Variants in LETM2 observed in about 807,000 individuals in gnomAD.
LETM2 encodes the protein leucine zipper and EF-hand containing transmembrane protein 2, also known as LETM1 domain-containing protein LETM2, mitochondrial.
A neutral mutation model predicts 59.6 loss-of-function variants in LETM2; 58 were observed. The ratio of observed to expected loss-of-function variants is 0.97; its 90% CI spans 0.79 to 1.21. The LOEUF is 1.21. LETM2 is among the 50% of genes most tolerant of loss of function. The pLI, the probability that LETM2 is intolerant of heterozygous loss-of-function variation, is 0.00. For missense variants in LETM2, 572 were observed against 575.7 expected, an observed-to-expected ratio of 0.99 and a Z score of 0.07; for synonymous variants, 199 against 214.1, an observed-to-expected ratio of 0.93 and a Z score of 0.62.
rs1812387455 is a variant in LETM2 at position 38,392,666 on chromosome 8, G to A, written c.172G>A (p.Asp58Asn). The A allele has an allele frequency of 1.2e-6, 2 of 1,613,970 alleles. No individual in the cohort carries two copies. The highest frequency in any genetic ancestry group is 2.7e-5 in the African/African-American group (2 of 74,896). The change falls in exon 3 of 11, where the codon GAT becomes AAT. Residue 58 changes from aspartate to asparagine, a missense_variant. By Grantham distance (23) the Asp-to-Asn change is conservative. Coordinates refer to ENST00000379957, the MANE Select transcript of LETM2 (RefSeq NM_001286819.2). ...MKNYESKKYS[D>N]PSQPGNTVLH... The stretch of plus-strand genomic sequence containing the variant: ...GAACTATGAGAGCAAGAAGTACTCG[G>A]ATCCTAGTCAGCCAGGCAATACAGT...
At chr8:38,390,135 C>T (rs1175074032) in intron 2 of LETM2, among the ~76,000 whole-genome samples, 3 of 151,574 alleles carry the variant, frequency 2.0e-5, no homozygotes, top group Admixed American at 6.6e-5. Context: ...CCTGGGAGGT[C>T]GAGGCTGCAG....
upstream of LETM2, chr8:38,383,425 TTC>T (rs1811656256): frequency 6.6e-6 from 1 of 152,098 alleles, no homozygotes; most frequent in Non-Finnish European, 1.5e-5. Flanking sequence ...CGATACTCTG[TTC>T]TGAGAATAAA....
In LETM2 at chr8:38,397,013, C is replaced by T. The variant is rs2150428233; in HGVS notation, c.645+2772C>T. 4.6e-6 allele frequency: 2 copies of T among 437,416 alleles called. 1 individual carries two copies. The highest frequency in any genetic ancestry group is 3.3e-5 in the South Asian group (2 of 61,494). 27.1% of individuals were successfully genotyped at this position (437,416 alleles called of 1,614,324 possible). A position where few individuals can be genotyped will look rare whatever the true frequency, so the allele number is the denominator to read the frequency against. ...GTCAGCCCAACAGACAGTTCAGCAG[C>T]CCCTGAGAAGAGGGAGCCTTCACTG... is the stretch of plus-strand genomic sequence containing the variant. On this transcript the variant is annotated intron_variant, in intron 4 of 10. Coordinates refer to ENST00000379957, the MANE Select transcript of LETM2 (RefSeq NM_001286819.2).
At chr8:38,382,783 A>C (rs2150402122), upstream of LETM2, 1 of 152,274 alleles carries the variant, frequency 6.6e-6, no homozygotes, top group Non-Finnish European at 1.5e-5. This position sits in a 1 kb window ranked among gnomAD's most constrained non-coding sequence, Gnocchi z 4.2. Context: ...GCTGTCAGGG[A>C]AGGGCTCCGG....
At chr8:38,387,921 TA>T in intron 1 of LETM2, 28 bp from the exon 2 acceptor site, 1 of 882,160 alleles carries the variant, frequency 1.1e-6, no homozygotes. Context: ...TTTAAACTAC[TA>T]AATTGTTTAC....
chr8:38,405,120 G>C (rs1813612282), intron 8 of LETM2, among the ~76,000 whole-genome samples: 1 of 152,190 alleles, frequency 6.6e-6, no homozygotes, highest in Non-Finnish European at 1.5e-5. Context: ...TAGCAGACTG[G>C]TGTGTGTGGG....
At chr8:38,400,800 GTTAAA>G in intron 5 of LETM2, 48 bp from the exon 6 acceptor site, 1 of 1,507,276 alleles carries the variant, frequency 6.6e-7, no homozygotes, top group Non-Finnish European at 9.1e-7. Context: ...TATTGGGAAA[GTTAAA>G]TTAAGTAGAA....
chr8:38,404,647 A>G, intron 8 of LETM2, 141 bp downstream of exon 8: 1 of 611,910 alleles, frequency 1.6e-6, no homozygotes, highest in Non-Finnish European at 2.9e-6. Context: ...TGTGTTTTAA[A>G]AATTTCTAAA....
chr8:38,387,600 T>G (rs1811873881), intron 1 of LETM2, among the ~76,000 whole-genome samples: 1 of 152,152 alleles, frequency 6.6e-6, no homozygotes, highest in Admixed American at 6.6e-5. Flanking sequence ...CTACCTATAT[T>G]TTAAGGCTAC....
intron 7 of LETM2, among the ~76,000 whole-genome samples, chr8:38,403,649 G>A (rs1586021331): frequency 6.6e-6 from 1 of 152,204 alleles, no homozygotes; most frequent in Non-Finnish European, 1.5e-5. Context: ...ATGCACAGAT[G>A]ATCTTAGGTT....
rs533234365 is a variant in LETM2 at position 38,401,595 on chromosome 8, A to T, written c.984+542A>T. On this transcript the variant is annotated intron_variant, in intron 6 of 10. Transcript: ENST00000379957. ...AGAAGGCCATCATAAGCAGTTAGTAATTTGGATGTCTTAGCTGGGACTCAT... is the reference window on the plus strand; with the variant it reads ...AGAAGGCCATCATAAGCAGTTAGTATTTTGGATGTCTTAGCTGGGACTCAT... 5.0e-5 allele frequency: 8 copies of T among 159,684 alleles called. No individual in the cohort carries two copies. In the East Asian group the frequency reaches 1.5e-3, roughly 29 times the overall value. 9.9% of individuals were successfully genotyped at this position (159,684 alleles called of 1,614,324 possible).
Position 38,392,584 on chromosome 8 carries a change from C to A in LETM2, c.90C>A (p.Ser30=). Residue 30 remains serine (S), a synonymous_variant, in exon 3 of 11, where the codon TCC becomes TCA. Coordinates refer to ENST00000379957, the MANE Select transcript of LETM2 (RefSeq NM_001286819.2). ...TCCATCCTACCTGCTCTTCTTATTC[C>A]CCATCATGTGCATTTCTTCACTTGC... ...HFVHPTCSSY[S]PSCAFLHLPD... is the part of the protein sequence containing the mutation. The A allele has an allele frequency of 2.5e-6, 4 of 1,612,828 alleles. 1 individual carries two copies. In the South Asian group the frequency reaches 3.3e-5, roughly 13 times the overall value.
chr8:38,395,975 G>A (rs1812651513), intron 4 of LETM2, among the ~76,000 whole-genome samples: 1 of 152,070 alleles, frequency 6.6e-6, no homozygotes. Flanking sequence ...CTTTCACAGA[G>A]CAAATGCTTT....
In LETM2 at chr8:38,396,722, T is replaced by C. The variant is rs186870758; in HGVS notation, c.645+2481T>C. Among the ~76,000 whole-genome samples the C allele has an allele frequency of 1.3e-3, 196 of 151,958 alleles. 1 individual carries two copies. The highest frequency in any genetic ancestry group is 4.3e-3 in the African/African-American group (179 of 41,464). On this transcript the variant is annotated intron_variant, in intron 4 of 10. Transcript: ENST00000379957. ...GAGTTCAAGACCAGCCAGAGCAATA[T>C]AGTGAGACCCCTGTCTCTAAAAAAC... is the stretch of plus-strand genomic sequence containing the variant.
At chr8:38,391,247 G>A (rs1221574123) in intron 2 of LETM2, among the ~76,000 whole-genome samples, 1 of 138,128 alleles carries the variant, frequency 7.2e-6, no homozygotes, top group Non-Finnish European at 1.6e-5. Flanking sequence ...ACATCTCTTT[G>A]CCAGTAACTT....
chr8:38,385,209 G>A (rs1208204978), upstream of LETM2, among the ~76,000 whole-genome samples: 1 of 152,134 alleles, frequency 6.6e-6, no homozygotes, highest in Non-Finnish European at 1.5e-5. Context: ...GTTATTAGCT[G>A]AAAAATCCTT....
At chr8:38,408,029 C>G (rs1813872318) in intron 10 of LETM2, 183 bp from the exon 11 acceptor site, 1 of 549,388 alleles carries the variant, frequency 1.8e-6, no homozygotes, top group Admixed American at 3.1e-5. Flanking sequence ...AGAAAAGCAT[C>G]CCAAGGCACA....
intron 8 of LETM2, 36 bp downstream of exon 8, chr8:38,404,542 A>C (rs1813553821): frequency 1.5e-6 from 2 of 1,354,502 alleles, no homozygotes; most frequent in African/African-American, 2.9e-5. Flanking sequence ...CTCGACGTCC[A>C]TCCAACTGAG....
intron 8 of LETM2, chr8:38,404,925 G>A (rs527805667): frequency 6.1e-5 from 11 of 179,512 alleles, no homozygotes; most frequent in Admixed American, 4.5e-4. Flanking sequence ...GCAGTGAGAC[G>A]AGATCACGCC....
Sources: allele counts gnomAD v4.1 joint callset (sites outside exome capture counted in the v4.1 genomes callset), GRCh38; gene constraint gnomAD v4.1.1; non-coding constraint Gnocchi (gnomAD v3.1); transcripts MANE v1.5; gene names NCBI Gene and HGNC (gene_info 2026-07-23, HGNC 2026-07-21).